REPS2: variants seen among roughly 807,000 people sequenced by gnomAD.
REPS2 encodes ralBP1-associated Eps domain-containing protein 2.
REPS2 carries 23 observed loss-of-function variants against 53.6 expected under a neutral mutation model. The ratio of observed to expected loss-of-function variants is 0.43; its 90% confidence interval spans 0.31 to 0.61. The LOEUF (loss-of-function observed/expected upper bound fraction) is 0.61. REPS2 is among the 20% of genes least tolerant of loss of function. The pLI is 0.11. For missense variants in REPS2, 446 were observed against 534.9 expected, an observed-to-expected ratio of 0.83 and a Z score of 1.64; for synonymous variants, 238 against 218.6, an observed-to-expected ratio of 1.09 and a Z score of -0.78.
chrX:17,001,623 C>T (rs1489437290), intron 1 of REPS2, among the ~76,000 whole-genome samples: 2 of 112,156 alleles, frequency 1.8e-5, no homozygotes, highest in African/African-American at 6.5e-5. Flanking sequence ...AAATTCAGCT[C>T]TGTAGGCATT....
chrX:17,056,057 G>C (rs1446525302), intron 8 of REPS2, among the ~76,000 whole-genome samples: 2 of 111,814 alleles, frequency 1.8e-5, no homozygotes, highest in African/African-American at 6.5e-5. Context: ...TTCTTAAAAT[G>C]ATGTCCAGAT....
At chrX:17,167,171 A>G in the REPS2 span, among the ~76,000 whole-genome samples, 1 of 111,949 alleles carries the variant, frequency 8.9e-6, no homozygotes, top group African/African-American at 3.2e-5. Context: ...GACTTCAACC[A>G]TATAAAATAA....
At chrX:17,173,716 C>T in the REPS2 span, among the ~76,000 whole-genome samples, 1 of 111,884 alleles carries the variant, frequency 8.9e-6, no homozygotes, top group Non-Finnish European at 1.9e-5. Context: ...TATATTTGAA[C>T]CTTAGTGTTC....
rs780076754 is a variant in REPS2 at position 17,101,105 on chromosome X, G to A, written c.1517-2613G>A. Among the ~76,000 whole-genome samples the A allele has an allele frequency of 3.0e-5, 3 of 101,628 alleles. No homozygotes were observed. In the East Asian group the frequency reaches 9.1e-4, roughly 31 times the overall value. The allele number at this position is 101,628 out of a possible 115,157, so 88.3% of individuals were successfully genotyped here. A position where few individuals can be genotyped will look rare whatever the true frequency, so the allele number is the denominator to read the frequency against. On this transcript the variant is annotated intron_variant, in intron 13 of 17. Transcript: ENST00000357277. ...GTCTGGCTCTGTCACCCAGGCTGGA[G>A]TGCAGTGGTGTGATCTCGGCTCACT... is the stretch of plus-strand genomic sequence containing the variant.
In REPS2 at chrX:17,022,153, A is replaced by G. The variant is rs769505121; in HGVS notation, c.428A>G (p.Lys143Arg). 5 of 1,208,380 alleles carry G rather than the reference A, an allele frequency of 4.1e-6. No individual in the cohort carries two copies. The highest frequency in any genetic ancestry group is 5.6e-6 in the Non-Finnish European group (5 of 893,904). Reference protein sequence around the residue: ...ELPLPRFMMSKNDGEIRFGNP... With the variant: ...ELPLPRFMMSRNDGEIRFGNP... ...CCTCTGCCTCGCTTTATGATGTCAA[A>G]GAATGATGGTGAGATACGATTTGGG... Residue 143 changes from lysine to arginine, a missense_variant, in exon 3 of 18, where the codon AAG (lysine) becomes AGG (arginine). Physicochemically the swap from Lys to Arg is conservative, Grantham distance 26. Transcript: ENST00000357277.
chrX:17,117,490 G>A (rs1159474153), intron 14 of REPS2, among the ~76,000 whole-genome samples: 2 of 109,019 alleles, frequency 1.8e-5, no homozygotes, highest in Non-Finnish European at 3.8e-5. Context: ...TGTTCTCATT[G>A]TTCAATTCCC....
At chrX:16,964,690 C>T (rs959826974) in intron 1 of REPS2, among the ~76,000 whole-genome samples, 3 of 90,415 alleles carry the variant, frequency 3.3e-5, no homozygotes, top group Non-Finnish European at 4.5e-5. Context: ...CTGGACGGGG[C>T]GGCTGGCCGG....
chrX:17,166,917 A>G, the REPS2 span, among the ~76,000 whole-genome samples: 1 of 112,434 alleles, frequency 8.9e-6, no homozygotes, highest in Non-Finnish European at 1.9e-5. Context: ...AGCCCCAAAC[A>G]TAAGTTTCTG....
intron 13 of REPS2, among the ~76,000 whole-genome samples, chrX:17,078,751 G>A (rs2062414523): frequency 8.9e-6 from 1 of 112,644 alleles, no homozygotes; most frequent in African/African-American, 3.2e-5. Flanking sequence ...CCAGTAAGGA[G>A]ATGCCAGCTG....
At chrX:17,175,877 G>C in the REPS2 span, among the ~76,000 whole-genome samples, 218 of 112,289 alleles carry the variant, frequency 1.9e-3, 3 homozygotes, top group Non-Finnish European at 8.3e-4. Flanking sequence ...AAAGGCAGGT[G>C]GGGGAAGGAA....
intron 14 of REPS2, among the ~76,000 whole-genome samples, chrX:17,117,737 G>A (rs1407226488): frequency 1.1e-4 from 12 of 109,278 alleles, no homozygotes; most frequent in African/African-American, 4.0e-4. Flanking sequence ...ATAAACATAC[G>A]TGTGCATGTG....
chrX:17,185,521 A>G, the REPS2 span, among the ~76,000 whole-genome samples: 1 of 111,629 alleles, frequency 9.0e-6, no homozygotes, highest in Non-Finnish European at 1.9e-5. Context: ...TTTGGAAACT[A>G]TGGCTCAAAA....
At chrX:17,113,348 A>G (rs778691300) in intron 14 of REPS2, among the ~76,000 whole-genome samples, 129 of 108,845 alleles carry the variant, frequency 1.2e-3, no homozygotes, top group Middle Eastern at 4.3e-3. Context: ...TTTAAAGTGA[A>G]ATCAGGTTCT....
chrX:17,052,463 C>A lies in REPS2; in HGVS notation c.971+18C>A, dbSNP rs762331924. 8.9e-7 allele frequency: 1 copy of A among 1,129,254 alleles called. No individual in the cohort carries two copies. Among genetic ancestry groups the A allele is most frequent in the Non-Finnish European group, 1.2e-6 (1 of 829,497 alleles). 93.1% of individuals were successfully genotyped at this position (1,129,254 alleles called of 1,213,427 possible). A position where few individuals can be genotyped will look rare whatever the true frequency, so the allele number is the denominator to read the frequency against. On this transcript the variant is annotated intron_variant, in intron 7 of 17. Coordinates refer to ENST00000357277, the MANE Select transcript of REPS2 (RefSeq NM_004726.3). ...TATATATGGTAAGTACAATTAATGC[C>A]ATATGACATTCATACCATCATCCAT...
intron 7 of REPS2, among the ~76,000 whole-genome samples, chrX:17,053,827 C>G (rs2062032724): frequency 9.0e-6 from 1 of 111,729 alleles, no homozygotes; most frequent in Non-Finnish European, 1.9e-5. Flanking sequence ...GTTTCCTGAC[C>G]CCTCACTCTG....
intron 2 of REPS2, among the ~76,000 whole-genome samples, chrX:17,020,436 A>G (rs1476678167): frequency 7.2e-5 from 8 of 111,504 alleles, no homozygotes; most frequent in Admixed American, 6.7e-4. Flanking sequence ...GACCAAAACC[A>G]TAGAGTTAGC....
At chrX:17,004,195 C>T (rs1035583314) in intron 1 of REPS2, among the ~76,000 whole-genome samples, 2 of 110,698 alleles carry the variant, frequency 1.8e-5, no homozygotes, top group African/African-American at 3.3e-5. Flanking sequence ...TTTTTTTCCC[C>T]TTTATTTTGA....
intron 14 of REPS2, among the ~76,000 whole-genome samples, chrX:17,110,152 A>G (rs1327401679): frequency 3.6e-5 from 4 of 111,367 alleles, no homozygotes; most frequent in African/African-American, 1.3e-4. Flanking sequence ...TTACAGGGCT[A>G]TCTAATCCAT....
At chrX:17,110,833 G>A (rs1010482989) in intron 14 of REPS2, among the ~76,000 whole-genome samples, 10 of 111,116 alleles carry the variant, frequency 9.0e-5, no homozygotes, top group Admixed American at 7.7e-4. Flanking sequence ...GACCAACATG[G>A]TGAAACCCCA....
Sources: gnomAD v4.1 joint callset for allele counts (sites outside exome capture counted in the v4.1 genomes callset) on GRCh38, gnomAD v4.1.1 for gene constraint, MANE v1.5 for transcripts, NCBI Gene and HGNC (gene_info 2026-07-23, HGNC 2026-07-21) for gene names.